Variants in ACSS2 observed in about 807,000 individuals in gnomAD.
The protein encoded by ACSS2 is acyl-CoA synthetase short chain family member 2, also known as acetyl-coenzyme A synthetase, cytoplasmic.
Under a neutral mutation model 90.6 loss-of-function variants are expected in ACSS2, and 58 were observed. The ratio of observed to expected loss-of-function variants is 0.64; its 90% CI spans 0.52 to 0.80. The LOEUF is 0.80. ACSS2 is among the 30% of genes least tolerant of loss of function. The pLI, the probability that ACSS2 is intolerant of heterozygous loss-of-function variation, is 0.00. For missense variants in ACSS2, 759 were observed against 912.0 expected (o/e 0.83, Z 2.16); for synonymous variants, 300 against 330.9 (o/e 0.91, Z 1.01).
At chr20:34,924,682 T>TTTG (rs72042821) in intron 14 of ACSS2, among the ~76,000 whole-genome samples, 13 of 149,380 alleles carry the variant, frequency 8.7e-5, no homozygotes, top group South Asian at 2.2e-4. Context: ...AAACCTTTTT[T>TTTG]TTGTTGTTGT....
chr20:34,892,859 C>G (rs2080367061), intron 2 of ACSS2, among the ~76,000 whole-genome samples: 1 of 152,146 alleles, frequency 6.6e-6, no homozygotes, highest in South Asian at 2.1e-4. Flanking sequence ...ATTTGCAAAG[C>G]TCAGTTTGAA....
chr20:34,925,751 A>G lies in ACSS2; in HGVS notation c.1711A>G (p.Met571Val). 6.2e-7 allele frequency: 1 copy of G among 1,613,454 alleles called. No homozygotes were observed. The highest frequency in any genetic ancestry group is 8.5e-7 in the Non-Finnish European group (1 of 1,179,786). Residue 571 changes from methionine to valine, a missense_variant, in exon 15 of 18, where the codon ATG (methionine) becomes GTG (valine). By Grantham distance (21) the Met-to-Val change is conservative. Transcript: ENST00000360596. ...CTGGATCACTGGCAGGATTGATGAC[A>G]TGCTCAATGTATCTGGTGAGGGCCA... ...YYWITGRIDD[M>V]LNVSGHLLST...
intron 2 of ACSS2, among the ~76,000 whole-genome samples, chr20:34,909,320 A>G (rs905717303): frequency 2.0e-5 from 3 of 151,866 alleles, no homozygotes; most frequent in Non-Finnish European, 2.9e-5. Flanking sequence ...GTGAGCTGTG[A>G]TGGTGCCACT....
At chr20:34,898,249 A>G (rs1266975880) in intron 2 of ACSS2, among the ~76,000 whole-genome samples, 1 of 152,182 alleles carries the variant, frequency 6.6e-6, no homozygotes, top group Non-Finnish European at 1.5e-5. Context: ...TGGCTGGGGC[A>G]GCCTGCTTTT....
At chr20:34,893,999 C>A (rs1316545744) in intron 2 of ACSS2, among the ~76,000 whole-genome samples, 1 of 152,078 alleles carries the variant, frequency 6.6e-6, no homozygotes, top group African/African-American at 2.4e-5. Flanking sequence ...CATATGAACA[C>A]CTGCATTTCT....
At chr20:34,896,090 A>G (rs762223282) in intron 2 of ACSS2, among the ~76,000 whole-genome samples, 3 of 152,160 alleles carry the variant, frequency 2.0e-5, no homozygotes, top group Non-Finnish European at 4.4e-5. Context: ...GGGACACAGG[A>G]TGGTAGGAAC....
At chr20:34,902,844 G>C (rs1001269214) in intron 2 of ACSS2, among the ~76,000 whole-genome samples, 1 of 150,916 alleles carries the variant, frequency 6.6e-6, no homozygotes, top group Non-Finnish European at 1.5e-5. Context: ...TCCCACCTCA[G>C]CCTCCTGAGT....
chr20:34,897,338 C>A (rs867950539), intron 2 of ACSS2, among the ~76,000 whole-genome samples: 34 of 152,258 alleles, frequency 2.2e-4, no homozygotes, highest in African/African-American at 7.5e-4. Flanking sequence ...GTGCAATACT[C>A]ATTAGCAGTC....
chr20:34,890,114 A>T (rs754073028), intron 2 of ACSS2, among the ~76,000 whole-genome samples: 7 of 152,188 alleles, frequency 4.6e-5, no homozygotes, highest in Non-Finnish European at 1.0e-4. Context: ...CTTGGCAGAA[A>T]GTGTATTAGC....
rs745681981 is a variant in ACSS2, at chr20:34,914,402, TCCCC to T, written c.803_806del (p.Pro268GlnfsTer69). 11 of 1,613,526 alleles carry T rather than the reference TCCCC, an allele frequency of 6.8e-6. No homozygotes were observed. The highest frequency in any genetic ancestry group is 9.3e-6 in the Non-Finnish European group (11 of 1,179,850). ...CGGCATGGGTGACTCCACCAGCCAGTCCCCCCCAATTAAGAGGTCATGCCCAGAT... is the reference window on the plus strand; with the variant it reads ...CGGCATGGGTGACTCCACCAGCCAGTCCCAATTAAGAGGTCATGCCCAGAT... On this transcript the variant is annotated frameshift_variant, in exon 7 of 18. Coordinates refer to ENST00000360596, the MANE Select transcript of ACSS2 (RefSeq NM_018677.4). LOFTEE classifies it high-confidence loss of function.
At chr20:34,883,339 C>A (rs2080112240) in intron 2 of ACSS2, among the ~76,000 whole-genome samples, 2 of 152,194 alleles carry the variant, frequency 1.3e-5, no homozygotes, top group Admixed American at 1.3e-4. Context: ...CTACCATTAT[C>A]ATTATCTTTT....
At chr20:34,894,147 C>T (rs1330359309) in intron 2 of ACSS2, among the ~76,000 whole-genome samples, 1 of 152,128 alleles carries the variant, frequency 6.6e-6, no homozygotes, top group Admixed American at 6.6e-5. Flanking sequence ...TTCTGAGCTG[C>T]TTTTGAGGAT....
chr20:34,902,013 A>G (rs1267329689), intron 2 of ACSS2, among the ~76,000 whole-genome samples: 2 of 152,110 alleles, frequency 1.3e-5, no homozygotes, highest in Non-Finnish European at 2.9e-5. Flanking sequence ...ATCTTTGGAC[A>G]TCTCTAACAG....
At chr20:34,885,976 A>ATTTTTTTTTTTTTTT (rs2080182183) in intron 2 of ACSS2, among the ~76,000 whole-genome samples, 3 of 145,492 alleles carry the variant, frequency 2.1e-5, no homozygotes, top group Admixed American at 6.7e-5. Flanking sequence ...TTACTATTTA[A>ATTTTTTTTTTTTTTT]TTATTTTATG....
intron 13 of ACSS2, chr20:34,922,073 GGC>G (rs2081216169): frequency 7.9e-7 from 1 of 1,268,768 alleles, no homozygotes; most frequent in Non-Finnish European, 1.0e-6. Flanking sequence ...GTCTCCTAAG[GGC>G]GTTTTAAGAG....
rs111992036 is a variant in ACSS2 at position 34,880,569 on chromosome 20, TA to T, written c.179-2214del. 1.3e-3 allele frequency among the ~76,000 whole-genome samples: 194 copies of T among 145,850 alleles called. 2 individuals carry two copies. The highest frequency in any genetic ancestry group is 3.4e-3 in the African/African-American group (137 of 39,786). ...CTAAAAAAATAATAATAATAGAAAT[TA>T]AAAAAAAAAAGTTTTATGGCTCTTG... On this transcript the variant is annotated intron_variant, in intron 1 of 17. Coordinates refer to ENST00000360596, the MANE Select transcript of ACSS2 (RefSeq NM_018677.4).
At chr20:34,882,271 A>T (rs2080083973) in intron 1 of ACSS2, among the ~76,000 whole-genome samples, 1 of 152,202 alleles carries the variant, frequency 6.6e-6, no homozygotes, top group East Asian at 1.9e-4. Flanking sequence ...AGTCTTGAGG[A>T]CAGGAGGAAG....
Position 34,913,445 on chromosome 20 carries a change from T to C in ACSS2, c.519T>C (p.Leu173=). The stretch of plus-strand genomic sequence containing the variant: ...TCTACATGCCTATGATCCCAGAGCT[T>C]GTGGTGGCCATGCTGGCATGTGCCC... ...VAIYMPMIPE[L]VVAMLACARI... is the part of the protein sequence containing the mutation. Residue 173 remains leucine, a synonymous_variant, in exon 4 of 18, where the codon CTT becomes CTC. Coordinates refer to ENST00000360596, the MANE Select transcript of ACSS2 (RefSeq NM_018677.4). 1 of 1,613,388 alleles carries C rather than the reference T, an allele frequency of 6.2e-7. No homozygotes were observed. Among genetic ancestry groups the C allele is most frequent in the African/African-American group, 1.3e-5 (1 of 74,760 alleles).
chr20:34,902,181 C>T (rs765790481), intron 2 of ACSS2, among the ~76,000 whole-genome samples: 3 of 152,050 alleles, frequency 2.0e-5, no homozygotes, highest in African/African-American at 4.8e-5. Flanking sequence ...AGGTTCTGTA[C>T]GAGACAATGA....
Sources: gnomAD v4.1 joint callset for allele counts (sites outside exome capture counted in the v4.1 genomes callset) on GRCh38, gnomAD v4.1.1 for gene constraint, MANE v1.5 for transcripts, NCBI Gene and HGNC (gene_info 2026-07-23, HGNC 2026-07-21) for gene names.